ARID1B: variants seen among roughly 807,000 people sequenced by gnomAD.
The protein encoded by ARID1B is AT-rich interaction domain 1B.
In ARID1B, 30 loss-of-function variants were observed where a neutral mutation model predicts 212.3. That is an observed-to-expected ratio of 0.14 (90% CI 0.11 to 0.19). The LOEUF (loss-of-function observed/expected upper bound fraction) is 0.19. ARID1B is among the 10% of genes least tolerant of loss of function. ARID1B has a pLI of 1.00. For synonymous variants in ARID1B, 1,402 were observed against 1,301.7 expected (o/e 1.08, Z -1.66); for missense variants, 2,891 against 3,204.0 (o/e 0.90, Z 2.36).
intron 4 of ARID1B, among the ~76,000 whole-genome samples, chr6:157,077,924 C>T (rs1236569356): frequency 6.6e-6 from 1 of 152,190 alleles, no homozygotes; most frequent in Non-Finnish European, 1.5e-5. Flanking sequence ...CCTTTCCTCA[C>T]ATTATTCAGT....
intron 7 of ARID1B, among the ~76,000 whole-genome samples, chr6:157,142,062 A>T (rs1158287909): frequency 6.6e-6 from 1 of 152,242 alleles, no homozygotes; most frequent in African/African-American, 2.4e-5. Flanking sequence ...GTACAGATGC[A>T]TGCAACGGTG....
At chr6:157,089,158 A>G (rs1583287410) in intron 5 of ARID1B, among the ~76,000 whole-genome samples, 1 of 152,204 alleles carries the variant, frequency 6.6e-6, no homozygotes, top group Non-Finnish European at 1.5e-5. Context: ...CAAATGTTGC[A>G]GGGGATTCTT....
At chr6:157,005,998 C>G (rs1159898255) in intron 4 of ARID1B, among the ~76,000 whole-genome samples, 1 of 152,156 alleles carries the variant, frequency 6.6e-6, no homozygotes, top group Non-Finnish European at 1.5e-5. Flanking sequence ...TCTCTGTCTT[C>G]CCTTGCCCTT....
intron 2 of ARID1B, among the ~76,000 whole-genome samples, chr6:156,862,296 G>A (rs1055842987): frequency 1.3e-5 from 2 of 152,204 alleles, no homozygotes; most frequent in Non-Finnish European, 2.9e-5. Flanking sequence ...TTTTACTACA[G>A]TTGGCCTGGC....
At chr6:157,119,403 C>T (rs893473527) in intron 6 of ARID1B, among the ~76,000 whole-genome samples, 1 of 152,206 alleles carries the variant, frequency 6.6e-6, no homozygotes, top group Admixed American at 6.5e-5. Flanking sequence ...CTGTCCTTAT[C>T]CAGCCCCGGC....
chr6:157,168,855 A>G (rs1791511662), intron 9 of ARID1B: 1 of 152,188 alleles, frequency 6.6e-6, no homozygotes, highest in South Asian at 2.1e-4. Context: ...TTTTTACTGC[A>G]TTGTACATTT....
At chr6:157,156,942 ACCTGAC>A (rs1790617047) in intron 8 of ARID1B, among the ~76,000 whole-genome samples, 1 of 152,140 alleles carries the variant, frequency 6.6e-6, no homozygotes, top group Non-Finnish European at 1.5e-5. Context: ...GTCTGCGCCG[ACCTGAC>A]CCTGACTCAG....
intron 2 of ARID1B, among the ~76,000 whole-genome samples, chr6:156,856,164 T>C (rs998524646): frequency 6.6e-6 from 1 of 152,154 alleles, no homozygotes; most frequent in Admixed American, 6.5e-5. Flanking sequence ...CATAAACTGA[T>C]GTAGGTTGCC....
rs2114964183 is a variant in ARID1B at position 156,778,165 on chromosome 6, C to T, written c.485C>T (p.Pro162Leu). Residue 162 changes from proline to leucine, a missense_variant, in exon 1 of 20, where the codon CCG (proline) becomes CTG (leucine). This residue lies in a region of ARID1B where 1,643 missense variants were observed against 1,544.0 expected (regional missense o/e 1.06). Transcript: ENST00000636930. ...ACCGTTGGCGAAGCCCCCGCCGCGCCGCCCCACCAGCAGCACCACCACCAC... is the reference window on the plus strand; with the variant it reads ...ACCGTTGGCGAAGCCCCCGCCGCGCTGCCCCACCAGCAGCACCACCACCAC... Reference protein sequence around the residue: ...LKTVGEAPAAPPHQQHHHHHH... With the variant: ...LKTVGEAPAALPHQQHHHHHH... 1.3e-6 allele frequency: 2 copies of T among 1,542,384 alleles called. No individual in the cohort carries two copies. The highest frequency in any genetic ancestry group is 2.5e-5 in the East Asian group (1 of 40,814).
Position 157,210,056 on chromosome 6 carries a change from C to T in ARID1B, c.*2165C>T, listed in dbSNP as rs1307812097. ...AGAGTTAGACAAGAACATGCAGTTA[C>T]AGTCATTGTGAGACGTGACTCTCCA... On this transcript the variant is annotated 3_prime_UTR_variant, in exon 20 of 20. Coordinates refer to ENST00000636930, the MANE Select transcript of ARID1B (RefSeq NM_001374828.1). 1 of 232,916 alleles carries T rather than the reference C, an allele frequency of 4.3e-6. No individual in the cohort carries two copies. Among genetic ancestry groups the T allele is most frequent in the Non-Finnish European group, 8.5e-6 (1 of 117,944 alleles). The allele number at this position is 232,916 out of a possible 1,614,324, so 14.4% of individuals were successfully genotyped here. A position where few individuals can be genotyped will look rare whatever the true frequency, so the allele number is the denominator to read the frequency against.
chr6:156,858,434 C>G (rs954564305), intron 2 of ARID1B, among the ~76,000 whole-genome samples: 1 of 152,154 alleles, frequency 6.6e-6, no homozygotes, highest in African/African-American at 2.4e-5. Flanking sequence ...ATATTAATTA[C>G]CCTGATTTGA....
At chr6:157,034,770 A>G (rs925082944) in intron 4 of ARID1B, among the ~76,000 whole-genome samples, 1 of 152,252 alleles carries the variant, frequency 6.6e-6, no homozygotes, top group Non-Finnish European at 1.5e-5. Context: ...TTTTAAAATC[A>G]GCTGATTTTC....
At chr6:156,927,336 C>G (rs1487019466) in intron 3 of ARID1B, among the ~76,000 whole-genome samples, 3 of 152,132 alleles carry the variant, frequency 2.0e-5, no homozygotes. Flanking sequence ...AGTAGAGATT[C>G]CCACAGCCTG....
intron 6 of ARID1B, among the ~76,000 whole-genome samples, chr6:157,119,284 T>C (rs1787538679): frequency 1.3e-5 from 2 of 152,170 alleles, no homozygotes; most frequent in South Asian, 4.1e-4. Context: ...TTTGAGATCA[T>C]ATTCCACCTC....
rs1465026040 is a variant in ARID1B, at chr6:157,206,250, G to T, written c.5478G>T (p.Val1826=). ...DIFGILMEYE[V]GDPSQKALDH... ...TTGGAATTCTTATGGAATATGAAGT[G>T]GGAGACCCCAGCCAAAAAGCACTTG... Residue 1826 remains valine, a synonymous_variant, in exon 20 of 20, where the codon GTG becomes GTT. Transcript: ENST00000636930. This position sits in a 1 kb window ranked among gnomAD's most constrained non-coding sequence, Gnocchi z 6.8. The T allele has an allele frequency of 3.1e-6, 5 of 1,614,172 alleles. No homozygotes were observed. The highest frequency in any genetic ancestry group is 4.2e-6 in the Non-Finnish European group (5 of 1,180,020).
At chr6:156,849,244 CT>C (rs200827558) in intron 2 of ARID1B, among the ~76,000 whole-genome samples, 4,564 of 152,284 alleles carry the variant, frequency 0.03, 111 homozygotes, top group Admixed American at 0.047. Context: ...CTCTCCTCCC[CT>C]GGGAGTACTT....
chr6:157,072,890 T>C (rs759136193), intron 4 of ARID1B, among the ~76,000 whole-genome samples: 1 of 152,176 alleles, frequency 6.6e-6, no homozygotes, highest in African/African-American at 2.4e-5. Flanking sequence ...AGCAAAGACT[T>C]GAACCAAGGC....
chr6:156,893,045 C>CTTTCTT (rs1554263984), intron 2 of ARID1B, among the ~76,000 whole-genome samples: 1 of 85,924 alleles, frequency 1.2e-5, no homozygotes, highest in Non-Finnish European at 2.5e-5. Context: ...TTTTTTCTTC[C>CTTTCTT]TTTTTTTTTT....
intron 2 of ARID1B, among the ~76,000 whole-genome samples, chr6:156,897,405 C>G (rs1045484583): frequency 6.6e-6 from 1 of 151,566 alleles, no homozygotes; most frequent in African/African-American, 2.4e-5. Context: ...TCCCTAGTAG[C>G]TGGGATTGCA....
Sources: gnomAD v4.1 joint callset for allele counts (sites outside exome capture counted in the v4.1 genomes callset) on GRCh38, gnomAD v4.1.1 for gene constraint, gnomAD v4.1.1 regional missense constraint, Gnocchi (gnomAD v3.1) non-coding constraint, MANE v1.5 for transcripts, NCBI Gene and HGNC (gene_info 2026-07-23, HGNC 2026-07-21) for gene names.